The following OR2M3 variants were observed in gnomAD, a reference collection of about 807,000 sequenced individuals.
The protein encoded by OR2M3 is olfactory receptor family 2 subfamily M member 3.
OR2M3 carries 1 observed loss-of-function variant against 4.3 expected under a neutral mutation model. The ratio of observed to expected loss-of-function variants is 0.23; its 90% CI spans 0.08 to 1.11. OR2M3 has a LOEUF of 1.11. Among genes scored for constraint, OR2M3 ranks in the 50% most tolerant of loss-of-function variants. The pLI is 0.54. For missense variants in OR2M3, 410 were observed against 390.4 expected, an observed-to-expected ratio of 1.05 and a Z score of -0.42; for synonymous variants, 151 against 139.4, an observed-to-expected ratio of 1.08 and a Z score of -0.59.
intron 1 of OR2M3, among the ~76,000 whole-genome samples, chr1:248,198,457 C>G (rs1666121860): frequency 6.6e-6 from 1 of 152,108 alleles, no homozygotes; most frequent in Non-Finnish European, 1.5e-5. Flanking sequence ...AGTTGCTATG[C>G]TCATTTTTGC....
intron 1 of OR2M3, among the ~76,000 whole-genome samples, chr1:248,202,675 T>A (rs1422247670): frequency 6.6e-6 from 1 of 152,058 alleles, no homozygotes; most frequent in Non-Finnish European, 1.5e-5. Context: ...ACTGTGATGG[T>A]CACATGCTGA....
rs906242773 is a variant in OR2M3 at position 248,209,408 on chromosome 1, A to ATT, written c.*5410_*5411dup. ...GAACCTTGTTTTATCATATTACAGAATTTTTTTTTCTGGTTCCTTCTTATT... is the reference window on the plus strand; with the variant it reads ...GAACCTTGTTTTATCATATTACAGAATTTTTTTTTTTCTGGTTCCTTCTTATT... On this transcript the variant is annotated 3_prime_UTR_variant, in exon 2 of 2. Transcript: ENST00000641626. The ATT allele has an allele frequency of 6.6e-6, 1 of 151,496 alleles. No individual in the cohort carries two copies. Among genetic ancestry groups the ATT allele is most frequent in the African/African-American group, 2.4e-5 (1 of 41,170 alleles). 9.4% of individuals were successfully genotyped at this position (151,496 alleles called of 1,614,324 possible).
intron 1 of OR2M3, among the ~76,000 whole-genome samples, chr1:248,200,930 A>G (rs1666150304): frequency 6.6e-6 from 1 of 152,102 alleles, no homozygotes; most frequent in Non-Finnish European, 1.5e-5. Flanking sequence ...CTCTTCCTAG[A>G]TTATTCAGCT....
rs1367177160 is a variant in OR2M3 at position 248,207,920 on chromosome 1, C to T, written c.*3914C>T. ...CTCAGTGGAGTATTGAAGTCCCCCACTATTATTGCATTGTCATCTATCTCC... is the reference window on the plus strand; with the variant it reads ...CTCAGTGGAGTATTGAAGTCCCCCATTATTATTGCATTGTCATCTATCTCC... On this transcript the variant is annotated 3_prime_UTR_variant, in exon 2 of 2. Coordinates refer to ENST00000641626, the MANE Select transcript of OR2M3 (RefSeq NM_001004689.2). 1 of 151,998 alleles carries T rather than the reference C, an allele frequency of 6.6e-6. No homozygotes were observed. The highest frequency in any genetic ancestry group is 1.5e-5 in the Non-Finnish European group (1 of 67,966). 9.4% of individuals were successfully genotyped at this position (151,998 alleles called of 1,614,324 possible). A position where few individuals can be genotyped will look rare whatever the true frequency, so the allele number is the denominator to read the frequency against.
At position 248,212,208 on chromosome 1, in the gene OR2M3, A is replaced by T. The variant is rs954794202; in HGVS notation, c.*8202A>T. The stretch of plus-strand genomic sequence containing the variant: ...AAACTGTACATGAAACAAGAAGTAT[A>T]CTAATAGCCATCAAATATTTTAAAT... On this transcript the variant is annotated 3_prime_UTR_variant, in exon 2 of 2. Transcript: ENST00000641626. 4 of 152,122 alleles carry T rather than the reference A, an allele frequency of 2.6e-5. No homozygotes were observed. The highest frequency in any genetic ancestry group is 9.7e-5 in the African/African-American group (4 of 41,448). The allele number at this position is 152,122 out of a possible 1,614,324, so 9.4% of individuals were successfully genotyped here.
In OR2M3 at chr1:248,203,848, C is replaced by G. The variant is rs147728074; in HGVS notation, c.781C>G (p.Arg261Gly). 1 of 1,613,622 alleles carries G rather than the reference C, an allele frequency of 6.2e-7. No homozygotes were observed. Among genetic ancestry groups the G allele is most frequent in the Non-Finnish European group, 8.5e-7 (1 of 1,179,792 alleles). ...TGGAGCAGCTTTGTTCATGTACATA[C>G]GGCCCACATCTGATCGCTCCCCAAC... is the stretch of plus-strand genomic sequence containing the variant. Reference protein sequence around the residue: ...YYGAALFMYIRPTSDRSPTQD... With the variant: ...YYGAALFMYIGPTSDRSPTQD... The change falls in exon 2 of 2, where the codon CGG (arginine) becomes GGG (glycine). Residue 261 changes from arginine (R) to glycine (G), a missense_variant. Transcript: ENST00000641626.
rs1044532847 is a variant in OR2M3 at position 248,212,336 on chromosome 1, T to G, written c.*8330T>G. The G allele has an allele frequency of 1.3e-5, 2 of 152,046 alleles. No individual in the cohort carries two copies. Among genetic ancestry groups the G allele is most frequent in the African/African-American group, 4.8e-5 (2 of 41,452 alleles). The allele number at this position is 152,046 out of a possible 1,614,324, so 9.4% of individuals were successfully genotyped here. ...AGAAAATATTCAATAATCCTTATCT[T>G]TTTAACAATTAAGCAAAATGCATAA... On this transcript the variant is annotated 3_prime_UTR_variant, in exon 2 of 2. Transcript: ENST00000641626.
intron 1 of OR2M3, among the ~76,000 whole-genome samples, chr1:248,198,068 G>A (rs1408955726): frequency 1.3e-5 from 2 of 151,990 alleles, no homozygotes; most frequent in Non-Finnish European, 2.9e-5. Flanking sequence ...CTTTTAAGAC[G>A]TTTACACCTA....
Position 248,205,506 on chromosome 1 carries a change from A to C in OR2M3, c.*1500A>C. On this transcript the variant is annotated 3_prime_UTR_variant, in exon 2 of 2. Coordinates refer to ENST00000641626, the MANE Select transcript of OR2M3 (RefSeq NM_001004689.2). ...TGAGGATCCAGTTTCATTCTTCTAC[A>C]TGTGGCCTGTCAGTTAGCCCAGCAC... The C allele has an allele frequency of 6.6e-6, 1 of 152,000 alleles. No homozygotes were observed. The highest frequency in any genetic ancestry group is 2.1e-4 in the South Asian group (1 of 4,828). 9.4% of individuals were successfully genotyped at this position (152,000 alleles called of 1,614,324 possible).
chr1:248,205,451 C>T lies in OR2M3; in HGVS notation c.*1445C>T, dbSNP rs965949455. On this transcript the variant is annotated 3_prime_UTR_variant, in exon 2 of 2. Transcript: ENST00000641626. ...ACTTAGATTTAAGGTTTTTATCCAT[C>T]TTGAGTTGATTTTTGTATAAGGTGA... 5 of 152,000 alleles carry T rather than the reference C, an allele frequency of 3.3e-5. No individual in the cohort carries two copies. Among genetic ancestry groups the T allele is most frequent in the African/African-American group, 1.2e-4 (5 of 41,370 alleles). 9.4% of individuals were successfully genotyped at this position (152,000 alleles called of 1,614,324 possible). A position where few individuals can be genotyped will look rare whatever the true frequency, so the allele number is the denominator to read the frequency against.
At position 248,204,153 on chromosome 1, in the gene OR2M3, T is replaced by C; in HGVS notation, c.*147T>C. Reference sequence around the variant, plus strand: ...GTGCACCTATATAATTTATTTCAGATAAACTATTATAACTATTTATTATTT... The same window carrying C: ...GTGCACCTATATAATTTATTTCAGACAAACTATTATAACTATTTATTATTT... On this transcript the variant is annotated 3_prime_UTR_variant, in exon 2 of 2. Coordinates refer to ENST00000641626, the MANE Select transcript of OR2M3 (RefSeq NM_001004689.2). 1.6e-6 allele frequency: 1 copy of C among 630,282 alleles called. No individual in the cohort carries two copies. The highest frequency in any genetic ancestry group is 3.9e-4 in the Middle Eastern group (1 of 2,588). 39.0% of individuals were successfully genotyped at this position (630,282 alleles called of 1,614,324 possible).
In OR2M3 at chr1:248,207,913, TC is replaced by T. The variant is rs1440695836; in HGVS notation, c.*3912del. On this transcript the variant is annotated 3_prime_UTR_variant, in exon 2 of 2. Transcript: ENST00000641626. ...TAGTGCTCTCAGTGGAGTATTGAAG[TC>T]CCCCACTATTATTGCATTGTCATCT... The T allele has an allele frequency of 1.3e-5, 2 of 152,044 alleles. No homozygotes were observed. The highest frequency in any genetic ancestry group is 4.8e-5 in the African/African-American group (2 of 41,410). 9.4% of individuals were successfully genotyped at this position (152,044 alleles called of 1,614,324 possible).
Position 248,203,260 on chromosome 1 carries a change from C to A in OR2M3, c.193C>A (p.Gln65Lys). The A allele has an allele frequency of 1.2e-6, 2 of 1,614,096 alleles. No individual in the cohort carries two copies. The highest frequency in any genetic ancestry group is 1.7e-6 in the Non-Finnish European group (2 of 1,180,016). The part of the protein sequence containing the change: ...LHTPMYLLLS[Q>K]LSLMDLMLIC... ...CACCCCCATGTACCTCCTCCTCAGC[C>A]AACTGTCCCTCATGGACCTCATGCT... Residue 65 changes from glutamine to lysine, a missense_variant, in exon 2 of 2, where the codon CAA becomes AAA. Coordinates refer to ENST00000641626, the MANE Select transcript of OR2M3 (RefSeq NM_001004689.2).
intron 1 of OR2M3, among the ~76,000 whole-genome samples, chr1:248,200,685 C>G (rs1025680252): frequency 6.6e-6 from 1 of 152,120 alleles, no homozygotes; most frequent in Non-Finnish European, 1.5e-5. Context: ...TCTGCATCTT[C>G]CCAGCCCTTA....
rs780690072 is a variant in OR2M3, at chr1:248,204,020, C to T, written c.*14C>T. The T allele has an allele frequency of 6.2e-7, 1 of 1,612,998 alleles. No homozygotes were observed. Among genetic ancestry groups the T allele is most frequent in the East Asian group, 2.2e-5 (1 of 44,852 alleles). On this transcript the variant is annotated 3_prime_UTR_variant, in exon 2 of 2. Transcript: ENST00000641626. ...TCTGGAGAGTGAGTTACCTAATAAA[C>T]TTCATGTTTTGCTGTGTGCTAAATC...
intron 1 of OR2M3, among the ~76,000 whole-genome samples, chr1:248,200,516 TAATCA>T (rs774738200): frequency 5.9e-5 from 9 of 152,248 alleles, no homozygotes; most frequent in Non-Finnish European, 1.2e-4. Flanking sequence ...GAGCTACCAA[TAATCA>T]GCTTTATCCA....
chr1:248,201,941 A>G (rs1456636632), intron 1 of OR2M3, among the ~76,000 whole-genome samples: 1 of 152,178 alleles, frequency 6.6e-6, no homozygotes, highest in Non-Finnish European at 1.5e-5. Context: ...GCCAGGCTTC[A>G]TAAGTGTGGT....
intron 1 of OR2M3, among the ~76,000 whole-genome samples, chr1:248,199,707 A>G (rs1666135406): frequency 1.3e-5 from 2 of 152,132 alleles, no homozygotes; most frequent in South Asian, 4.1e-4. Context: ...CTAAAGGTAC[A>G]GGGCAATGTA....
rs182223959 is a variant in OR2M3 at position 248,208,387 on chromosome 1, G to T, written c.*4381G>T. 1.5e-3 allele frequency: 229 copies of T among 151,930 alleles called. 1 individual carries two copies. The highest frequency in any genetic ancestry group is 5.3e-3 in the African/African-American group (221 of 41,480). 9.4% of individuals were successfully genotyped at this position (151,930 alleles called of 1,614,324 possible). ...CTGAATATCTGAAGTTTTTTTGTTT[G>T]TTTTCATTATGTTATTGTTATATAG... On this transcript the variant is annotated 3_prime_UTR_variant, in exon 2 of 2. Transcript: ENST00000641626.
Sources: gnomAD v4.1 joint callset for allele counts (sites outside exome capture counted in the v4.1 genomes callset) on GRCh38, gnomAD v4.1.1 for gene constraint, MANE v1.5 for transcripts, NCBI Gene and HGNC (gene_info 2026-07-23, HGNC 2026-07-21) for gene names.